Variants in TAF1 observed in about 807,000 individuals in gnomAD.
TAF1 encodes transcription initiation factor TFIID subunit 1.
TAF1 carries 2 observed loss-of-function variants against 138.5 expected under a neutral mutation model. The ratio of observed to expected loss-of-function variants is 0.01; its 90% confidence interval spans 0.01 to 0.05. The LOEUF (loss-of-function observed/expected upper bound fraction) is 0.05, where lower values mean the gene tolerates loss of function less well. TAF1 is among the 10% of genes least tolerant of loss of function. TAF1 has a pLI of 1.00. For synonymous variants in TAF1, 437 were observed against 503.2 expected (o/e 0.87, Z 1.76); for missense variants, 709 against 1,478.0 (o/e 0.48, Z 8.53).
intron 8 of TAF1, 126 bp from the exon 9 acceptor site, chrX:71,381,617 A>G: frequency 1.4e-6 from 1 of 719,772 alleles, no homozygotes; most frequent in South Asian, 2.8e-5. Context: ...TTTTCAGTGG[A>G]CACATGAATA....
chrX:71,468,822 G>A (rs1461465714), downstream of TAF1, among the ~76,000 whole-genome samples: 3 of 107,540 alleles, frequency 2.8e-5, no homozygotes, highest in Non-Finnish European at 5.8e-5. Flanking sequence ...GTAAAACCCT[G>A]TCTCTACGAA....
At chrX:71,399,548 G>A (rs1439844154) in intron 24 of TAF1, among the ~76,000 whole-genome samples, 2 of 93,894 alleles carry the variant, frequency 2.1e-5, no homozygotes, top group Non-Finnish European at 2.1e-5. Context: ...AAGCCACCAC[G>A]CCTGGCTTGT....
At chrX:71,456,786 C>T (rs1233454227) in intron 34 of TAF1, among the ~76,000 whole-genome samples, 1 of 103,491 alleles carries the variant, frequency 9.7e-6, no homozygotes, top group African/African-American at 3.5e-5. Flanking sequence ...AGTGATTCTC[C>T]TGCCTCAGCC....
chrX:71,429,135 C>T (rs2036747767), intron 32 of TAF1, among the ~76,000 whole-genome samples: 2 of 110,274 alleles, frequency 1.8e-5, no homozygotes, highest in Admixed American at 9.7e-5. Flanking sequence ...ATTAGCCGGG[C>T]GTGGTGGCGG....
intron 32 of TAF1, among the ~76,000 whole-genome samples, chrX:71,442,571 AG>A (rs1258972379): frequency 3.6e-5 from 4 of 112,176 alleles, no homozygotes; most frequent in African/African-American, 1.3e-4. Flanking sequence ...GCTCTTTGTC[AG>A]ATGGGTAGAT....
chrX:71,512,101 T>C (rs1344229180), intron 13 of TAF1, among the ~76,000 whole-genome samples: 4 of 108,902 alleles, frequency 3.7e-5, no homozygotes, highest in Non-Finnish European at 5.7e-5. Context: ...GATCACAAGG[T>C]CAGGAGATCG....
chrX:71,383,906 T>C, intron 12 of TAF1, 56 bp from the exon 13 acceptor site: 1 of 1,111,158 alleles, frequency 9.0e-7, no homozygotes, highest in East Asian at 3.1e-5. Context: ...AACAACGTCA[T>C]TGTGTGTAGT....
intron 13 of TAF1, among the ~76,000 whole-genome samples, chrX:71,508,891 C>G (rs1332660344): frequency 9.2e-6 from 1 of 108,925 alleles, no homozygotes; most frequent in Non-Finnish European, 1.9e-5. Flanking sequence ...ACTCCAACTT[C>G]CACCTCCTGG....
chrX:71,393,573 C>T, intron 21 of TAF1, 97 bp downstream of exon 21: 1 of 1,008,164 alleles, frequency 9.9e-7, no homozygotes, highest in Non-Finnish European at 1.3e-6. Context: ...AAAAGTTTGA[C>T]TACCTAGGTA....
intron 28 of TAF1, among the ~76,000 whole-genome samples, chrX:71,413,637 A>G (rs2035906827): frequency 9.1e-6 from 1 of 110,295 alleles, no homozygotes; most frequent in Non-Finnish European, 1.9e-5. Flanking sequence ...CCAGCCCCAT[A>G]CCTCTCTTCA....
chrX:71,368,640 T>C (rs73549993), intron 3 of TAF1: 3,108 of 107,755 alleles, frequency 0.029, 116 homozygotes, highest in African/African-American at 0.1. Flanking sequence ...TATGGAGAAA[T>C]CCCGTTTACT....
chrX:71,376,345 G>T (rs760727666), intron 4 of TAF1, among the ~76,000 whole-genome samples: 1 of 111,340 alleles, frequency 9.0e-6, no homozygotes, highest in African/African-American at 3.3e-5. Context: ...TTTGCTATTG[G>T]TCACAACATT....
intron 13 of TAF1, 31 bp downstream of exon 13, chrX:71,384,166 A>G (rs752020181): frequency 4.2e-6 from 5 of 1,199,385 alleles, no homozygotes; most frequent in South Asian, 1.8e-5. Flanking sequence ...TTTTTTTCCC[A>G]TACATAATTC....
chrX:71,456,457 T>C (rs1238353705), intron 34 of TAF1, among the ~76,000 whole-genome samples: 1 of 110,456 alleles, frequency 9.1e-6, no homozygotes, highest in Non-Finnish European at 1.9e-5. Context: ...AACCAACTCA[T>C]TATCTCTTAA....
intron 32 of TAF1, among the ~76,000 whole-genome samples, chrX:71,453,114 G>GA (rs2038116498): frequency 9.0e-6 from 1 of 110,508 alleles, no homozygotes; most frequent in African/African-American, 3.3e-5. Flanking sequence ...GGGAGAGGGA[G>GA]AGGGAGAGGG....
chrX:71,525,558 G>C (rs1313793880), intron 13 of TAF1, among the ~76,000 whole-genome samples: 4 of 112,162 alleles, frequency 3.6e-5, no homozygotes, highest in African/African-American at 1.3e-4. Flanking sequence ...AACTATTGGG[G>C]ATAACCACCT....
intron 32 of TAF1, among the ~76,000 whole-genome samples, chrX:71,443,617 A>C (rs1352635071): frequency 8.9e-6 from 1 of 112,186 alleles, no homozygotes; most frequent in Non-Finnish European, 1.9e-5. Context: ...AACAGGAACA[A>C]TTTGACTTCC....
At chrX:71,377,503 A>G in intron 5 of TAF1, 100 bp from the exon 6 acceptor site, 1 of 978,405 alleles carries the variant, frequency 1.0e-6, no homozygotes, top group Non-Finnish European at 1.4e-6. Flanking sequence ...TTTCTCCCCC[A>G]CATTTGAAGA....
intron 13 of TAF1, chrX:71,492,274 C>A: frequency 7.9e-6 from 1 of 127,099 alleles, no homozygotes; most frequent in South Asian, 2.8e-4. Flanking sequence ...TCGCTGGGGT[C>A]GATGGGGAGG....
Sources: gnomAD v4.1 joint callset for allele counts (sites outside exome capture counted in the v4.1 genomes callset) on GRCh38, gnomAD v4.1.1 for gene constraint, MANE v1.5 for transcripts, NCBI Gene and HGNC (gene_info 2026-07-23, HGNC 2026-07-21) for gene names.